GRID2: variants seen among roughly 807,000 people sequenced by gnomAD.
GRID2 encodes the protein glutamate receptor ionotropic, delta-2.
Under a neutral mutation model 114.8 loss-of-function variants are expected in GRID2, and 33 were observed. The observed-to-expected ratio is 0.29, with a 90% confidence interval of 0.22 to 0.38. GRID2 has a LOEUF of 0.38. Ranked by LOEUF, GRID2 falls within the 10% of genes least tolerant of loss-of-function variation. GRID2 has a pLI of 1.00. For missense variants in GRID2, 1,184 were observed against 1,257.7 expected, an observed-to-expected ratio of 0.94 and a Z score of 0.89; for synonymous variants, 505 against 449.9, an observed-to-expected ratio of 1.12 and a Z score of -1.55.
intron 2 of GRID2, among the ~76,000 whole-genome samples, chr4:92,681,674 A>G (rs1215546480): frequency 6.6e-6 from 1 of 152,212 alleles, no homozygotes; most frequent in Non-Finnish European, 1.5e-5. Context: ...CATGTACCCT[A>G]GAACTTAAAG....
At chr4:92,684,978 A>G (rs1205421233) in intron 2 of GRID2, among the ~76,000 whole-genome samples, 1 of 152,026 alleles carries the variant, frequency 6.6e-6, no homozygotes, top group East Asian at 1.9e-4. Flanking sequence ...TACTACTAAT[A>G]CTCTCAAAGT....
chr4:93,313,165 A>T (rs886408729), intron 8 of GRID2, among the ~76,000 whole-genome samples: 1 of 152,126 alleles, frequency 6.6e-6, no homozygotes, highest in Non-Finnish European at 1.5e-5. Context: ...TAGGAAAAAA[A>T]TCTGCAGGAA....
chr4:93,712,227 A>G (rs1230086158), intron 14 of GRID2, among the ~76,000 whole-genome samples: 2 of 152,052 alleles, frequency 1.3e-5, no homozygotes, highest in South Asian at 2.1e-4. Context: ...CCTATCTTAT[A>G]TATTTTTCTC....
rs941160160 is a variant in GRID2 at position 92,939,529 on chromosome 4, G to T, written c.245-145466G>T. Among the ~76,000 whole-genome samples, 9 of 147,410 alleles carry T rather than the reference G, an allele frequency of 6.1e-5. 1 individual carries two copies. The highest frequency in any genetic ancestry group is 1.7e-4 in the African/African-American group (7 of 41,334). On this transcript the variant is annotated intron_variant, in intron 2 of 15. Transcript: ENST00000282020. ...ATTCTGTAGGTTCCCTGTTCACTCT[G>T]ATAGTAGTTTCTGTTGCTGTGCAGA...
intron 1 of GRID2, among the ~76,000 whole-genome samples, chr4:92,397,338 T>TTGTG (rs1227002294): frequency 6.4e-5 from 8 of 124,188 alleles, no homozygotes; most frequent in African/African-American, 2.7e-4. Flanking sequence ...CTCTGTGTGT[T>TTGTG]TGTATGTGTG....
chr4:93,239,639 G>C (rs1747251705), intron 8 of GRID2, among the ~76,000 whole-genome samples: 1 of 151,340 alleles, frequency 6.6e-6, no homozygotes, highest in Non-Finnish European at 1.5e-5. Flanking sequence ...GAAACATATA[G>C]AAAACTGCAT....
chr4:92,869,610 G>A (rs1745130053), intron 2 of GRID2, among the ~76,000 whole-genome samples: 1 of 152,066 alleles, frequency 6.6e-6, no homozygotes, highest in South Asian at 2.1e-4. Context: ...GAGTTACCCT[G>A]GCTTATAAAG....
intron 1 of GRID2, among the ~76,000 whole-genome samples, chr4:92,540,048 G>T (rs1370028143): frequency 6.6e-6 from 1 of 152,068 alleles, no homozygotes; most frequent in African/African-American, 2.4e-5. Flanking sequence ...AATGGGGAAA[G>T]GATTCCCTAT....
chr4:93,724,360 A>G (rs1045870702), intron 14 of GRID2, among the ~76,000 whole-genome samples: 1 of 152,152 alleles, frequency 6.6e-6, no homozygotes, highest in Non-Finnish European at 1.5e-5. Flanking sequence ...TCATAATTTC[A>G]TGGCCTATAA....
chr4:93,678,197 T>G (rs548373660), intron 14 of GRID2, among the ~76,000 whole-genome samples: 70 of 151,792 alleles, frequency 4.6e-4, no homozygotes, highest in Non-Finnish European at 6.8e-4. Flanking sequence ...ATGAAATGAA[T>G]GAAATGAAGC....
chr4:93,662,117 C>T (rs1723552196), intron 14 of GRID2, among the ~76,000 whole-genome samples: 1 of 152,156 alleles, frequency 6.6e-6, no homozygotes, highest in African/African-American at 2.4e-5. Flanking sequence ...CTTACTTCTG[C>T]CTAAAAAGCT....
In GRID2 at chr4:93,595,591, G is replaced by A. The variant is rs75169537; in HGVS notation, c.2194-30678G>A. Among the ~76,000 whole-genome samples, 865 of 152,276 alleles carry A rather than the reference G, an allele frequency of 5.7e-3. 12 individuals are homozygous for A. The highest frequency in any genetic ancestry group is 0.019 in the African/African-American group (795 of 41,560). On this transcript the variant is annotated intron_variant, in intron 13 of 15. Transcript: ENST00000282020. ...CAGTAAGAACTCAGTAAAAATGTTT[G>A]TGTTATAATTTCTCTACCATTGTCA...
At chr4:93,485,148 A>G (rs1357056790) in intron 11 of GRID2, among the ~76,000 whole-genome samples, 2 of 151,228 alleles carry the variant, frequency 1.3e-5, no homozygotes, top group African/African-American at 2.4e-5. Context: ...TTTATTTTGT[A>G]TTTCCCCAGT....
chr4:92,405,307 T>A (rs1730973966), intron 1 of GRID2, among the ~76,000 whole-genome samples: 1 of 152,228 alleles, frequency 6.6e-6, no homozygotes, highest in African/African-American at 2.4e-5. Flanking sequence ...GGCATGTTAT[T>A]AATGCACACA....
At chr4:92,909,072 T>C (rs745723864) in intron 2 of GRID2, among the ~76,000 whole-genome samples, 1 of 152,178 alleles carries the variant, frequency 6.6e-6, no homozygotes, top group Non-Finnish European at 1.5e-5. Flanking sequence ...TTAAATTATA[T>C]ACTTGTTTTT....
intron 4 of GRID2, among the ~76,000 whole-genome samples, chr4:93,141,050 A>G (rs1489416699): frequency 1.3e-5 from 2 of 152,126 alleles, no homozygotes; most frequent in Non-Finnish European, 2.9e-5. Context: ...GAGAAAATGC[A>G]TTTAAGTTTT....
intron 2 of GRID2, among the ~76,000 whole-genome samples, chr4:93,074,437 G>A (rs934882008): frequency 2.0e-5 from 3 of 152,138 alleles, no homozygotes; most frequent in African/African-American, 7.2e-5. Flanking sequence ...ATGTTAGCAG[G>A]AAAGGTGAAT....
intron 12 of GRID2, among the ~76,000 whole-genome samples, chr4:93,508,422 C>T (rs946854775): frequency 5.3e-5 from 8 of 152,008 alleles, no homozygotes; most frequent in South Asian, 2.1e-4. Flanking sequence ...CTCTCCATCT[C>T]CTTACCTCAT....
At chr4:93,480,286 A>G (rs976617053) in intron 11 of GRID2, among the ~76,000 whole-genome samples, 1 of 151,994 alleles carries the variant, frequency 6.6e-6, no homozygotes, top group Non-Finnish European at 1.5e-5. Flanking sequence ...AAAAAAGGAC[A>G]TATCAAAAAA....
Sources: gnomAD v4.1 joint callset for allele counts (sites outside exome capture counted in the v4.1 genomes callset) on GRCh38, gnomAD v4.1.1 for gene constraint, MANE v1.5 for transcripts, NCBI Gene and HGNC (gene_info 2026-07-23, HGNC 2026-07-21) for gene names.